The following EIF2AK4 variants were observed in gnomAD, a reference collection of about 807,000 sequenced individuals.
EIF2AK4 encodes the protein eukaryotic translation initiation factor 2 alpha kinase 4.
EIF2AK4 carries 139 observed loss-of-function variants against 211.1 expected under a neutral mutation model. The observed-to-expected ratio is 0.66, with a 90% CI of 0.57 to 0.76. The LOEUF (loss-of-function observed/expected upper bound fraction) is 0.76. Ranked by LOEUF, EIF2AK4 falls within the 30% of genes least tolerant of loss-of-function variation. EIF2AK4 has a pLI of 0.00. For missense variants in EIF2AK4, 1,664 were observed against 2,043.8 expected, an observed-to-expected ratio of 0.81 and a Z score of 3.58; for synonymous variants, 710 against 751.3, an observed-to-expected ratio of 0.94 and a Z score of 0.90.
intron 33 of EIF2AK4, among the ~76,000 whole-genome samples, chr15:40,028,606 A>C (rs1378768367): frequency 6.6e-6 from 1 of 152,160 alleles, no homozygotes; most frequent in African/African-American, 2.4e-5. Flanking sequence ...ATCCTGGCTT[A>C]CAGAAAACAA....
intron 3 of EIF2AK4, among the ~76,000 whole-genome samples, chr15:39,944,865 C>A (rs1288091525): frequency 6.6e-6 from 1 of 152,208 alleles, no homozygotes; most frequent in East Asian, 1.9e-4. Flanking sequence ...ACTTGCTTTT[C>A]ATAACACAAT....
At chr15:39,956,498 C>T (rs1158533085) in intron 6 of EIF2AK4, among the ~76,000 whole-genome samples, 1 of 152,206 alleles carries the variant, frequency 6.6e-6, no homozygotes, top group South Asian at 2.1e-4. Flanking sequence ...ACAGGTGAGA[C>T]ATCTGTTACA....
At chr15:39,947,217 T>C (rs2034241192) in intron 3 of EIF2AK4, among the ~76,000 whole-genome samples, 1 of 152,238 alleles carries the variant, frequency 6.6e-6, no homozygotes, top group African/African-American at 2.4e-5. Flanking sequence ...AAAATAGACA[T>C]AATTCTAAAG....
At chr15:39,946,785 C>G in intron 3 of EIF2AK4, 1 of 626,416 alleles carries the variant, frequency 1.6e-6, no homozygotes, top group Non-Finnish European at 2.9e-6. Context: ...CTTGATCAGT[C>G]AGCAGCCATC....
intron 27 of EIF2AK4, among the ~76,000 whole-genome samples, chr15:40,011,765 T>C (rs1267455265): frequency 6.6e-6 from 1 of 152,234 alleles, no homozygotes; most frequent in African/African-American, 2.4e-5. Context: ...CCTACCTCCA[T>C]GTCTTCTAAC....
At chr15:39,939,397 A>G in intron 1 of EIF2AK4, 108 bp from the exon 2 acceptor site, 1 of 580,834 alleles carries the variant, frequency 1.7e-6, no homozygotes, top group Non-Finnish European at 2.8e-6. Flanking sequence ...AAATATAATT[A>G]CAAATATTTT....
chr15:39,942,469 A>G lies in EIF2AK4; in HGVS notation c.258-914A>G, dbSNP rs1252809514. Among the ~76,000 whole-genome samples, 4 of 152,178 alleles carry G rather than the reference A, an allele frequency of 2.6e-5. 1 individual carries two copies. The South Asian group carries it at 6.2e-4, about 24-fold the overall frequency. On this transcript the variant is annotated intron_variant, in intron 2 of 38. Coordinates refer to ENST00000263791, the MANE Select transcript of EIF2AK4 (RefSeq NM_001013703.4). Reference sequence around the variant, plus strand: ...ATGATCATAGCACCCTTTCATACTGAAGCATTGAGAGAACGCATAGATAAG... The same window carrying G: ...ATGATCATAGCACCCTTTCATACTGGAGCATTGAGAGAACGCATAGATAAG...
intron 1 of EIF2AK4, among the ~76,000 whole-genome samples, chr15:39,935,436 CCTT>C (rs1370281786): frequency 1.3e-5 from 2 of 151,798 alleles, no homozygotes; most frequent in African/African-American, 4.8e-5. Flanking sequence ...CTCAAGCAAT[CCTT>C]CTGCCTCAGC....
chr15:40,015,470 A>G (rs1260960482), intron 27 of EIF2AK4, among the ~76,000 whole-genome samples: 1 of 152,090 alleles, frequency 6.6e-6, no homozygotes, highest in African/African-American at 2.4e-5. Flanking sequence ...AAACCATCAG[A>G]TCTTGTGAGA....
chr15:39,962,770 C>T (rs1013215421), intron 7 of EIF2AK4, among the ~76,000 whole-genome samples: 1 of 152,192 alleles, frequency 6.6e-6, no homozygotes, highest in African/African-American at 2.4e-5. Context: ...GAAGCTGGTT[C>T]AGCAAATCAG....
chr15:39,939,613 G>C lies in EIF2AK4; in HGVS notation c.253G>C (p.Asp85His). Residue 85 changes from aspartate (D) to histidine (H), a missense_variant, in exon 2 of 39, where the codon GAT becomes CAT. Asp to His is a moderately conservative substitution (Grantham distance 81). Coordinates refer to ENST00000263791, the MANE Select transcript of EIF2AK4 (RefSeq NM_001013703.4). ...GGTTAAATGCCCACCTACCTATCCA[G>C]ATGTGTGAGTACATTTATAAATAGC... ...LRVKCPPTYPDVVPEIELKNA... is the reference protein window; with the variant it reads ...LRVKCPPTYPHVVPEIELKNA... 4 of 1,602,780 alleles carry C rather than the reference G, an allele frequency of 2.5e-6. No homozygotes were observed. The highest frequency in any genetic ancestry group is 3.4e-6 in the Non-Finnish European group (4 of 1,173,394).
intron 18 of EIF2AK4, 87 bp downstream of exon 18, chr15:39,992,935 A>C: frequency 7.8e-7 from 1 of 1,289,144 alleles, no homozygotes; most frequent in South Asian, 1.2e-5. Context: ...TCCCGGCTAA[A>C]ATAGTCAAGA....
intron 6 of EIF2AK4, among the ~76,000 whole-genome samples, chr15:39,956,857 T>C (rs2140906886): frequency 1.3e-5 from 2 of 152,356 alleles, no homozygotes; most frequent in South Asian, 4.1e-4. Flanking sequence ...TGAAGATTTA[T>C]ATAAACTTCT....
At chr15:39,950,498 C>T (rs1162137525) in intron 4 of EIF2AK4, among the ~76,000 whole-genome samples, 5 of 149,862 alleles carry the variant, frequency 3.3e-5, no homozygotes, top group African/African-American at 9.9e-5. Context: ...GTCTGAGGCA[C>T]GAGAATTGCT....
At chr15:39,946,347 C>T (rs2034227373) in intron 3 of EIF2AK4, among the ~76,000 whole-genome samples, 1 of 152,152 alleles carries the variant, frequency 6.6e-6, no homozygotes, top group Non-Finnish European at 1.5e-5. Context: ...CAAGACTTCA[C>T]TGGAAGAAGT....
chr15:39,971,783 T>TTAA (rs769846664), intron 9 of EIF2AK4, among the ~76,000 whole-genome samples: 27 of 152,156 alleles, frequency 1.8e-4, no homozygotes, highest in Non-Finnish European at 3.2e-4. Context: ...TACTTAGACT[T>TTAA]TAACTTAGAC....
At chr15:39,956,274 G>T (rs2034391401) in intron 6 of EIF2AK4, among the ~76,000 whole-genome samples, 1 of 152,178 alleles carries the variant, frequency 6.6e-6, no homozygotes. Context: ...AAAATGCTGG[G>T]ATTACAGGCA....
chr15:39,949,212 C>A lies in EIF2AK4; in HGVS notation c.457C>A (p.Arg153=). ...KSFHEEMLER[R]AQEEQQRLLE... ...TTTTCATGAAGAAATGCTGGAAAGG[C>A]GGGCTCAGGAGGAGCAGCAGAGGCT... The change falls in exon 4 of 39, where the codon CGG becomes AGG. Residue 153 remains arginine, a synonymous_variant. Transcript: ENST00000263791. 6.2e-7 allele frequency: 1 copy of A among 1,614,010 alleles called. No individual in the cohort carries two copies. Among genetic ancestry groups the A allele is most frequent in the Non-Finnish European group, 8.5e-7 (1 of 1,179,974 alleles).
rs753223097 is a variant in EIF2AK4, at chr15:40,002,787, T to C, written c.3234T>C (p.His1078=). The change falls in exon 22 of 39, where the codon CAT becomes CAC. Residue 1078 remains histidine (H), a splice_region_variant and synonymous_variant. Coordinates refer to ENST00000263791, the MANE Select transcript of EIF2AK4 (RefSeq NM_001013703.4). ...CCATCATCCGCATCTTTAAAAGACA[T>C]GGTATGTACGCCCTTTTTAAAAATG... The part of the protein sequence containing the change: ...CETIIRIFKR[H]GAVQLCTPLL... 14 of 1,614,024 alleles carry C rather than the reference T, an allele frequency of 8.7e-6. No individual in the cohort carries two copies. The East Asian group carries it at 2.7e-4, about 31-fold the overall frequency.
Sources: gnomAD v4.1 joint callset for allele counts (sites outside exome capture counted in the v4.1 genomes callset) on GRCh38, gnomAD v4.1.1 for gene constraint, MANE v1.5 for transcripts, NCBI Gene and HGNC (gene_info 2026-07-23, HGNC 2026-07-21) for gene names.